The following MUC7 variants were observed in gnomAD, a reference collection of about 807,000 sequenced individuals.
MUC7 encodes mucin-7.
MUC7 carries 2 observed loss-of-function variants against 2.5 expected under a neutral mutation model. That is an observed-to-expected ratio of 0.81 (90% CI 0.33 to 2.55). MUC7 has a LOEUF of 2.55. Ranked by LOEUF, MUC7 falls within the 30% of genes most tolerant of loss-of-function variation. MUC7 has a pLI of 0.11. For missense variants in MUC7, 408 were observed against 455.6 expected, an observed-to-expected ratio of 0.90 and a Z score of 0.95; for synonymous variants, 133 against 173.4, an observed-to-expected ratio of 0.77 and a Z score of 1.83.
intron 1 of MUC7, among the ~76,000 whole-genome samples, chr4:70,445,806 C>A (rs1316210653): frequency 6.6e-6 from 1 of 152,168 alleles, no homozygotes; most frequent in East Asian, 1.9e-4. Flanking sequence ...CTTGCATATT[C>A]CAGCAATCTG....
At chr4:70,453,020 C>T (rs1415014488) in intron 1 of MUC7, among the ~76,000 whole-genome samples, 1 of 152,222 alleles carries the variant, frequency 6.6e-6, no homozygotes, top group Non-Finnish European at 1.5e-5. Flanking sequence ...GCCACTCTCT[C>T]CTGGCCTGTA....
intron 1 of MUC7, among the ~76,000 whole-genome samples, chr4:70,459,414 ACT>A (rs1424492170): frequency 3.9e-5 from 6 of 151,978 alleles, no homozygotes; most frequent in African/African-American, 1.2e-4. Flanking sequence ...GGAACATCAC[ACT>A]CTGGGGACTG....
At chr4:70,460,460 A>T (rs968967574) in intron 1 of MUC7, among the ~76,000 whole-genome samples, 4 of 103,946 alleles carry the variant, frequency 3.8e-5, no homozygotes, top group Non-Finnish European at 8.0e-5. Context: ...CATGAAAGTT[A>T]TGAAAAATTC....
At chr4:70,438,623 A>ATT (rs1733923760) in intron 1 of MUC7, among the ~76,000 whole-genome samples, 1 of 151,788 alleles carries the variant, frequency 6.6e-6, no homozygotes, top group Non-Finnish European at 1.5e-5. Context: ...CACCTGGCTA[A>ATT]TTTTTGTATT....
intron 1 of MUC7, among the ~76,000 whole-genome samples, chr4:70,452,452 C>T (rs954012725): frequency 2.6e-5 from 4 of 151,732 alleles, no homozygotes; most frequent in African/African-American, 9.7e-5. Context: ...TACCATGAGG[C>T]TTACAAATAA....
At chr4:70,441,723 C>T (rs1030280024) in intron 1 of MUC7, among the ~76,000 whole-genome samples, 7 of 152,078 alleles carry the variant, frequency 4.6e-5, no homozygotes, top group East Asian at 3.9e-4. Context: ...TAAAATTCAC[C>T]GTAAGGCTGC....
intron 2 of MUC7, among the ~76,000 whole-genome samples, chr4:70,475,031 C>A (rs1414916123): frequency 6.6e-6 from 1 of 152,116 alleles, no homozygotes; most frequent in East Asian, 1.9e-4. Flanking sequence ...GTAGTCCCAG[C>A]ACTTTCGGAG....
intron 1 of MUC7, among the ~76,000 whole-genome samples, chr4:70,439,514 C>G (rs1406768964): frequency 1.3e-5 from 2 of 152,128 alleles, no homozygotes; most frequent in Non-Finnish European, 2.9e-5. Flanking sequence ...GAGGCCACAT[C>G]ATTTAGTTCA....
chr4:70,476,155 G>A (rs1167035454), intron 2 of MUC7, among the ~76,000 whole-genome samples: 1 of 152,150 alleles, frequency 6.6e-6, no homozygotes. Flanking sequence ...AAACTATAGT[G>A]TAGATATAAA....
At chr4:70,442,800 C>T (rs1351014780) in intron 1 of MUC7, among the ~76,000 whole-genome samples, 2 of 152,164 alleles carry the variant, frequency 1.3e-5, no homozygotes, top group African/African-American at 4.8e-5. Flanking sequence ...AAGTGGGACA[C>T]AAGAGAAATA....
At position 70,480,777 on chromosome 4, in the gene MUC7, A is replaced by T. The variant is rs1367238417; in HGVS notation, c.55-22A>T. On this transcript the variant is annotated intron_variant, in intron 2 of 2. Transcript: ENST00000304887. Reference sequence around the variant, plus strand: ...TAAATGGATACTTTTTTCATTTCTTACATTTTCTTTCTTTTCTGCAGTTCA... The same window carrying T: ...TAAATGGATACTTTTTTCATTTCTTTCATTTTCTTTCTTTTCTGCAGTTCA... 4.4e-6 allele frequency: 7 copies of T among 1,598,728 alleles called. No individual in the cohort carries two copies. The Admixed American group carries it at 6.9e-5, about 16-fold the overall frequency.
intron 1 of MUC7, among the ~76,000 whole-genome samples, chr4:70,463,580 A>C (rs1316886160): frequency 6.6e-6 from 1 of 152,252 alleles, no homozygotes; most frequent in Non-Finnish European, 1.5e-5. Context: ...GTACACTATG[A>C]GTTTATGATG....
At chr4:70,440,587 G>A (rs1733977783) in intron 1 of MUC7, among the ~76,000 whole-genome samples, 1 of 152,072 alleles carries the variant, frequency 6.6e-6, no homozygotes, top group Non-Finnish European at 1.5e-5. Flanking sequence ...AAAATAGATA[G>A]AAAATAATTT....
At chr4:70,436,409 T>C (rs1043677410) in intron 1 of MUC7, among the ~76,000 whole-genome samples, 31 of 152,210 alleles carry the variant, frequency 2.0e-4, no homozygotes, top group African/African-American at 7.2e-4. Context: ...CTTTTCACTT[T>C]TTTTTCTCTA....
At chr4:70,474,917 G>C (rs1348912269) in intron 2 of MUC7, among the ~76,000 whole-genome samples, 1 of 152,108 alleles carries the variant, frequency 6.6e-6, no homozygotes, top group Non-Finnish European at 1.5e-5. Flanking sequence ...AGATAAGAGT[G>C]GGTTTAGGAT....
At position 70,481,061 on chromosome 4, in the gene MUC7, TG is replaced by T. The variant is rs1409001167; in HGVS notation, c.319del (p.Ala107LeufsTer8). On this transcript the variant is annotated frameshift_variant, in exon 3 of 3. Transcript: ENST00000304887. LOFTEE classifies it low-confidence loss of function (END_TRUNC). ...AGCAGTGTGGTCAACCCTACCTTAG[TG>T]GCTACAACCCAAATTCCATCTGTGA... ...KNSSVVNPTLVATTQIPSVTF... is the reference protein window; with the variant it reads ...KNSSVVNPTLXATTQIPSVTF... 1.9e-6 allele frequency: 3 copies of T among 1,614,132 alleles called. No individual in the cohort carries two copies. The South Asian group carries it at 3.3e-5, about 18-fold the overall frequency.
At position 70,482,924 on chromosome 4, in the gene MUC7, T is replaced by A. The variant is rs1275946175; in HGVS notation, c.*1046T>A. ...GATATGGAGGCATTTTTATCTTCTG[T>A]CACTACTACTTAAAACTCTGATGAT... is the stretch of plus-strand genomic sequence containing the variant. On this transcript the variant is annotated 3_prime_UTR_variant, in exon 3 of 3. Coordinates refer to ENST00000304887, the MANE Select transcript of MUC7 (RefSeq NM_152291.3). 1 of 152,346 alleles carries A rather than the reference T, an allele frequency of 6.6e-6. No individual in the cohort carries two copies. Among genetic ancestry groups the A allele is most frequent in the Non-Finnish European group, 1.5e-5 (1 of 68,038 alleles). 9.4% of individuals were successfully genotyped at this position (152,346 alleles called of 1,614,324 possible).
intron 2 of MUC7, among the ~76,000 whole-genome samples, chr4:70,474,826 G>A (rs1175185916): frequency 6.6e-6 from 1 of 152,116 alleles, no homozygotes; most frequent in Non-Finnish European, 1.5e-5. Context: ...CAAAAGCTGA[G>A]ATAAGGAGAC....
At chr4:70,433,855 G>C (rs1733747935) in intron 1 of MUC7, among the ~76,000 whole-genome samples, 1 of 152,182 alleles carries the variant, frequency 6.6e-6, no homozygotes, top group Non-Finnish European at 1.5e-5. Context: ...AATATTGGCT[G>C]TGGGATTGTC....
Sources: gnomAD v4.1 joint callset for allele counts (sites outside exome capture counted in the v4.1 genomes callset) on GRCh38, gnomAD v4.1.1 for gene constraint, MANE v1.5 for transcripts, NCBI Gene and HGNC (gene_info 2026-07-23, HGNC 2026-07-21) for gene names.